CSMD1: variants seen among roughly 807,000 people sequenced by gnomAD.
CSMD1 encodes the protein CUB and Sushi multiple domains 1.
A neutral mutation model predicts 417.5 loss-of-function variants in CSMD1; 213 were observed. The ratio of observed to expected loss-of-function variants is 0.51; its 90% CI spans 0.46 to 0.57. CSMD1 has a LOEUF of 0.57. Among genes scored for constraint, CSMD1 ranks in the 20% least tolerant of loss-of-function variants. The probability of loss-of-function intolerance (pLI) is 0.00; values close to 1 mark genes in which losing one functional copy is unlikely to be tolerated. For synonymous variants in CSMD1, 2,862 were observed against 1,736.8 expected, an observed-to-expected ratio of 1.65 and a Z score of -16.11; for missense variants, 6,923 against 4,529.7, an observed-to-expected ratio of 1.53 and a Z score of -15.17.
chr8:3,031,892 C>G (rs1028561065), intron 50 of CSMD1, among the ~76,000 whole-genome samples: 109 of 151,024 alleles, frequency 7.2e-4, no homozygotes, highest in African/African-American at 2.5e-3. Flanking sequence ...ATGCTATACC[C>G]TCATTTATTG....
intron 3 of CSMD1, among the ~76,000 whole-genome samples, chr8:4,094,464 C>G (rs1038627245): frequency 3.3e-5 from 5 of 152,062 alleles, no homozygotes; most frequent in Admixed American, 6.6e-5. Context: ...AGGGAGGAAT[C>G]GAAGATGATG....
intron 26 of CSMD1, among the ~76,000 whole-genome samples, chr8:3,274,326 C>G (rs1311279884): frequency 2.0e-5 from 3 of 152,070 alleles, no homozygotes; most frequent in Admixed American, 2.0e-4. Context: ...TTTATATTTG[C>G]TGAGGAGTGC....
chr8:4,824,728 G>C (rs1017854027), intron 1 of CSMD1, among the ~76,000 whole-genome samples: 1 of 152,058 alleles, frequency 6.6e-6, no homozygotes, highest in African/African-American at 2.4e-5. Context: ...GGAATTACTT[G>C]GAATAACACT....
intron 5 of CSMD1, among the ~76,000 whole-genome samples, chr8:3,908,316 A>C (rs1808242845): frequency 6.6e-6 from 1 of 152,246 alleles, no homozygotes; most frequent in Non-Finnish European, 1.5e-5. Context: ...AGGAAATGTG[A>C]AGATTTCAAC....
intron 12 of CSMD1, among the ~76,000 whole-genome samples, chr8:3,427,621 G>A (rs1402380705): frequency 6.6e-6 from 1 of 152,042 alleles, no homozygotes; most frequent in South Asian, 2.1e-4. Flanking sequence ...TGCAAATCTA[G>A]TGTTCATAGA....
chr8:4,986,090 T>C (rs547727535), intron 1 of CSMD1, among the ~76,000 whole-genome samples: 6 of 152,208 alleles, frequency 3.9e-5, no homozygotes, highest in Non-Finnish European at 8.8e-5. Context: ...AAAGGGATAG[T>C]TTGAAATGTG....
chr8:4,142,161 G>A (rs1213027669), intron 3 of CSMD1, among the ~76,000 whole-genome samples: 1 of 150,950 alleles, frequency 6.6e-6, no homozygotes, highest in African/African-American at 2.5e-5. Context: ...AAATGATACT[G>A]GTGAATACCA....
chr8:2,971,289 C>G (rs940198343), intron 57 of CSMD1, among the ~76,000 whole-genome samples: 2 of 152,144 alleles, frequency 1.3e-5, no homozygotes, highest in African/African-American at 2.4e-5. Context: ...TAACGCCTCT[C>G]ATAACTCTCT....
chr8:3,643,700 C>CAAAAAAAAAAAAAAAAAAAAAAA lies in CSMD1; in HGVS notation c.1010-26904_1010-26903insTTTTTTTTTTTTTTTTTTTTTTT, dbSNP rs66500235. ...TGGGCGACAGCGTGAGACTCCGTCT[C>CAAAAAAAAAAAAAAAAAAAAAAA]AAAAAAAAAAAAAAAAAAAAAAGGA... On this transcript the variant is annotated intron_variant, in intron 7 of 69. Coordinates refer to ENST00000635120, the MANE Select transcript of CSMD1 (RefSeq NM_033225.6). 1.8e-4 allele frequency among the ~76,000 whole-genome samples: 15 copies of CAAAAAAAAAAAAAAAAAAAAAAA among 85,334 alleles called. No homozygotes were observed. The East Asian group carries it at 2.9e-3, about 17-fold the overall frequency. 56.0% of individuals were successfully genotyped at this position (85,334 alleles called of 152,430 possible). A position where few individuals can be genotyped will look rare whatever the true frequency, so the allele number is the denominator to read the frequency against.
chr8:4,968,464 C>A (rs1229874615), intron 1 of CSMD1, among the ~76,000 whole-genome samples: 1 of 152,082 alleles, frequency 6.6e-6, no homozygotes, highest in Non-Finnish European at 1.5e-5. Flanking sequence ...ACTGCAAAGA[C>A]CTCTACTGCA....
At chr8:4,484,318 T>C (rs1197108957) in intron 2 of CSMD1, among the ~76,000 whole-genome samples, 1 of 152,166 alleles carries the variant, frequency 6.6e-6, no homozygotes, top group Admixed American at 6.6e-5. Flanking sequence ...TTCTAAGTTA[T>C]CTGGATTTAA....
intron 5 of CSMD1, among the ~76,000 whole-genome samples, chr8:3,811,482 A>C (rs866626369): frequency 2.5e-4 from 38 of 152,086 alleles, no homozygotes; most frequent in African/African-American, 8.9e-4. Flanking sequence ...GTTTTTCCCA[A>C]CCGAGTGCCT....
chr8:4,828,231 C>T (rs1051283946), intron 1 of CSMD1, among the ~76,000 whole-genome samples: 6 of 152,112 alleles, frequency 3.9e-5, no homozygotes, highest in Non-Finnish European at 1.5e-5. Context: ...ACATGCTAAG[C>T]CAATATTATA....
At chr8:4,196,080 G>T (rs915105916) in intron 3 of CSMD1, among the ~76,000 whole-genome samples, 1 of 152,062 alleles carries the variant, frequency 6.6e-6, no homozygotes, top group African/African-American at 2.4e-5. Flanking sequence ...GCGTGGTGAC[G>T]GGCGCCTGTA....
intron 54 of CSMD1, among the ~76,000 whole-genome samples, chr8:2,994,569 A>C (rs1806708851): frequency 6.6e-6 from 1 of 152,230 alleles, no homozygotes; most frequent in Non-Finnish European, 1.5e-5. Context: ...TTTGACTAAA[A>C]GACTAAAACT....
chr8:3,630,125 A>C (rs1270639681), intron 7 of CSMD1, among the ~76,000 whole-genome samples: 2 of 152,240 alleles, frequency 1.3e-5, no homozygotes, highest in Non-Finnish European at 2.9e-5. Flanking sequence ...AGCCAGTTTT[A>C]TTTAGTTATT....
chr8:3,884,260 T>C (rs1806404236), intron 5 of CSMD1, among the ~76,000 whole-genome samples: 2 of 152,226 alleles, frequency 1.3e-5, no homozygotes, highest in South Asian at 4.1e-4. Context: ...AAGTCTAACC[T>C]GTCTTCAACT....
At chr8:3,734,498 GT>G (rs1796428061) in intron 6 of CSMD1, among the ~76,000 whole-genome samples, 2 of 152,146 alleles carry the variant, frequency 1.3e-5, no homozygotes, top group Non-Finnish European at 2.9e-5. Flanking sequence ...ATCCCTTGAC[GT>G]CAGGAGTTCA....
At chr8:4,298,932 A>G (rs1797832115) in intron 3 of CSMD1, among the ~76,000 whole-genome samples, 1 of 152,120 alleles carries the variant, frequency 6.6e-6, no homozygotes, top group Non-Finnish European at 1.5e-5. Context: ...ATAAATACAT[A>G]AACACACAAT....
Sources: gnomAD v4.1 joint callset for allele counts (sites outside exome capture counted in the v4.1 genomes callset) on GRCh38, gnomAD v4.1.1 for gene constraint, MANE v1.5 for transcripts, NCBI Gene and HGNC (gene_info 2026-07-23, HGNC 2026-07-21) for gene names.